The following DSCAM variants were observed in gnomAD, a reference collection of about 807,000 sequenced individuals.
DSCAM encodes the protein cell adhesion molecule DSCAM.
DSCAM carries 47 observed loss-of-function variants against 217.7 expected under a neutral mutation model. That is an observed-to-expected ratio of 0.22 (90% CI 0.17 to 0.28). DSCAM has a LOEUF of 0.28. Among genes scored for constraint, DSCAM ranks in the 10% least tolerant of loss-of-function variants. The probability of loss-of-function intolerance (pLI) is 1.00; values close to 1 mark genes in which losing one functional copy is unlikely to be tolerated. For synonymous variants in DSCAM, 1,056 were observed against 1,015.3 expected (o/e 1.04, Z -0.76); for missense variants, 2,080 against 2,618.3 (o/e 0.79, Z 4.49).
chr21:40,739,831 G>T (rs778449195), intron 1 of DSCAM, among the ~76,000 whole-genome samples: 1 of 151,446 alleles, frequency 6.6e-6, no homozygotes, highest in Admixed American at 6.6e-5. Context: ...GATTCTGGCA[G>T]GCAGTTCAGT....
chr21:40,585,415 G>A (rs1342353659), intron 3 of DSCAM, among the ~76,000 whole-genome samples: 73 of 26,924 alleles, frequency 2.7e-3, no homozygotes, highest in Non-Finnish European at 4.9e-3. Context: ...GCAAGACTCC[G>A]TCTCAAAAAA....
intron 3 of DSCAM, among the ~76,000 whole-genome samples, chr21:40,654,367 T>G (rs1237546163): frequency 6.6e-6 from 1 of 152,196 alleles, no homozygotes; most frequent in Non-Finnish European, 1.5e-5. Context: ...AGCAGTACTT[T>G]CTCAGCACCT....
At chr21:40,842,612 C>T (rs1004655719) in intron 1 of DSCAM, among the ~76,000 whole-genome samples, 2 of 152,218 alleles carry the variant, frequency 1.3e-5, no homozygotes, top group East Asian at 1.9e-4. Flanking sequence ...AGTTTTAATA[C>T]GCATTGAATT....
At chr21:40,297,003 G>A (rs1393330222) in intron 9 of DSCAM, among the ~76,000 whole-genome samples, 3 of 152,104 alleles carry the variant, frequency 2.0e-5, no homozygotes, top group Non-Finnish European at 4.4e-5. Context: ...AAAGGCAATC[G>A]AGAATACAAT....
chr21:40,283,571 T>C (rs2073790252), intron 10 of DSCAM, among the ~76,000 whole-genome samples: 2 of 152,016 alleles, frequency 1.3e-5, no homozygotes, highest in East Asian at 3.9e-4. Context: ...AATAAGAAAA[T>C]TGTTTCAATT....
At chr21:40,067,595 C>T (rs1203243107) in intron 27 of DSCAM, among the ~76,000 whole-genome samples, 1 of 152,148 alleles carries the variant, frequency 6.6e-6, no homozygotes, top group African/African-American at 2.4e-5. Flanking sequence ...AAAGCAACAT[C>T]TCCACCTCCA....
At chr21:40,776,325 A>G (rs1246450704) in intron 1 of DSCAM, among the ~76,000 whole-genome samples, 1 of 152,134 alleles carries the variant, frequency 6.6e-6, no homozygotes, top group Non-Finnish European at 1.5e-5. Context: ...TCAACATTCA[A>G]GATTATGGTG....
At chr21:40,813,246 A>T (rs2091854064) in intron 1 of DSCAM, among the ~76,000 whole-genome samples, 1 of 152,200 alleles carries the variant, frequency 6.6e-6, no homozygotes, top group Admixed American at 6.5e-5. Context: ...TTGAACCCAC[A>T]TCTCTCTGAC....
chr21:40,714,087 G>T (rs972363080), intron 1 of DSCAM, among the ~76,000 whole-genome samples: 1 of 152,196 alleles, frequency 6.6e-6, no homozygotes, highest in African/African-American at 2.4e-5. Context: ...GTGGGGCATG[G>T]CTTTCTCCAC....
chr21:40,093,679 C>A, intron 21 of DSCAM, 42 bp downstream of exon 21: 1 of 1,608,794 alleles, frequency 6.2e-7, no homozygotes, highest in South Asian at 1.1e-5. Flanking sequence ...TAAAAACAGT[C>A]AAGTTACAAC....
chr21:40,805,966 C>A (rs1273620711), intron 1 of DSCAM, among the ~76,000 whole-genome samples: 1 of 152,114 alleles, frequency 6.6e-6, no homozygotes, highest in Non-Finnish European at 1.5e-5. Flanking sequence ...CCTCGGCCTC[C>A]CAAAGTGTTG....
chr21:40,795,648 A>G (rs559229428), intron 1 of DSCAM, among the ~76,000 whole-genome samples: 1 of 152,350 alleles, frequency 6.6e-6, no homozygotes, highest in East Asian at 1.9e-4. Flanking sequence ...TGTAGAACAA[A>G]CGACCCAAGA....
At position 40,063,029 on chromosome 21, in the gene DSCAM, A is replaced by G. The variant is rs2089147250; in HGVS notation, c.4889-130T>C. The G allele has an allele frequency of 6.3e-6, 4 of 630,734 alleles. No homozygotes were observed. The Admixed American group carries it at 1.7e-4, about 26-fold the overall frequency. The allele number at this position is 630,734 out of a possible 1,614,324, so 39.1% of individuals were successfully genotyped here. A position where few individuals can be genotyped will look rare whatever the true frequency, so the allele number is the denominator to read the frequency against. On this transcript the variant is annotated intron_variant, in intron 27 of 32. Coordinates refer to ENST00000400454, the MANE Select transcript of DSCAM (RefSeq NM_001389.5). ...AACACAATCATATACCCAGCTCACT[A>G]CTAATGACCTAGAGTTTCATGGAGT...
intron 3 of DSCAM, among the ~76,000 whole-genome samples, chr21:40,531,951 G>A (rs1217876171): frequency 6.6e-6 from 1 of 152,150 alleles, no homozygotes; most frequent in Non-Finnish European, 1.5e-5. Context: ...GCGACATGTG[G>A]GTGGCCTCAA....
chr21:40,411,135 G>A (rs2075318890), intron 3 of DSCAM, among the ~76,000 whole-genome samples: 1 of 149,504 alleles, frequency 6.7e-6, no homozygotes, highest in Admixed American at 6.7e-5. Flanking sequence ...CAATATATGT[G>A]ACCAGACTCA....
At chr21:40,775,821 A>G (rs2091483029) in intron 1 of DSCAM, among the ~76,000 whole-genome samples, 1 of 152,174 alleles carries the variant, frequency 6.6e-6, no homozygotes, top group Admixed American at 6.5e-5. Flanking sequence ...GAAAGATGCA[A>G]TTTCTGGAGA....
At chr21:40,190,144 A>G (rs1024668498) in intron 11 of DSCAM, among the ~76,000 whole-genome samples, 3 of 152,200 alleles carry the variant, frequency 2.0e-5, no homozygotes, top group African/African-American at 7.2e-5. Context: ...AGAAAAGGGA[A>G]CCCTTTATTT....
At chr21:40,042,275 G>T in intron 32 of DSCAM, 96 bp downstream of exon 32, 1 of 1,362,392 alleles carries the variant, frequency 7.3e-7, no homozygotes, top group Non-Finnish European at 1.0e-6. Context: ...CACCCATTTG[G>T]TCTGAACACT....
At chr21:40,545,778 G>A (rs1568894130) in intron 3 of DSCAM, among the ~76,000 whole-genome samples, 1 of 152,198 alleles carries the variant, frequency 6.6e-6, no homozygotes, top group Non-Finnish European at 1.5e-5. Flanking sequence ...TGAATGAGGG[G>A]AGAACAAAGA....
Sources: allele counts gnomAD v4.1 joint callset (sites outside exome capture counted in the v4.1 genomes callset), GRCh38; gene constraint gnomAD v4.1.1; transcripts MANE v1.5; gene names NCBI Gene and HGNC (gene_info 2026-07-23, HGNC 2026-07-21).